Variants in OVOL3 observed in about 807,000 individuals in gnomAD.
The protein encoded by OVOL3 is ovo like zinc finger 3.
Under a neutral mutation model 13.6 loss-of-function variants are expected in OVOL3, and 15 were observed. That is an observed-to-expected ratio of 1.11 (90% CI 0.74 to 1.70). The LOEUF (loss-of-function observed/expected upper bound fraction) is 1.70. Among genes scored for constraint, OVOL3 ranks in the 40% most tolerant of loss-of-function variants. OVOL3 has a pLI of 0.00. For synonymous variants in OVOL3, 102 were observed against 108.5 expected, an observed-to-expected ratio of 0.94 and a Z score of 0.37; for missense variants, 290 against 280.6, an observed-to-expected ratio of 1.03 and a Z score of -0.24.
At chr19:36,113,065 T>C in intron 3 of OVOL3, 101 bp downstream of exon 3, 2 of 1,262,244 alleles carry the variant, frequency 1.6e-6, no homozygotes, top group East Asian at 2.5e-5. Context: ...GGTTTGTGTA[T>C]GTGGGGTATG....
Position 36,112,830 on chromosome 19 carries a change from A to G in OVOL3, c.230A>G (p.Lys77Arg). Residue 77 changes from lysine (K) to arginine (R), a missense_variant, in exon 3 of 4, where the codon AAG (lysine) becomes AGG (arginine). Coordinates refer to ENST00000633214, the MANE Select transcript of OVOL3 (RefSeq NM_001302757.2). ...PGTLGCPLCP[K>R]AFPLQRMLTR... ...ACGCTGGGCTGCCCGCTCTGCCCTA[A>G]GGCCTTCCCTCTGCAGCGCATGCTG... 6.5e-7 allele frequency: 1 copy of G among 1,535,898 alleles called. No homozygotes were observed. Among genetic ancestry groups the G allele is most frequent in the South Asian group, 1.2e-5 (1 of 84,056 alleles).
At chr19:36,112,690 C>T in intron 2 of OVOL3, 70 bp from the exon 3 acceptor site, 1 of 1,359,160 alleles carries the variant, frequency 7.4e-7, no homozygotes, top group Non-Finnish European at 1.0e-6. Context: ...TCTGTAAATA[C>T]TCATTTGCAG....
chr19:36,112,350 T>G (rs12327787), intron 2 of OVOL3, among the ~76,000 whole-genome samples: 1 of 152,054 alleles, frequency 6.6e-6, no homozygotes, highest in Non-Finnish European at 1.5e-5. Context: ...TGAAACCCCA[T>G]CTCTACAAAA....
chr19:36,111,585 C>A, intron 2 of OVOL3, 152 bp downstream of exon 2: 1 of 796,864 alleles, frequency 1.3e-6, no homozygotes, highest in Non-Finnish European at 2.1e-6. Context: ...GTTGGGAATG[C>A]CTCTCCTTTC....
chr19:36,111,498 G>A (rs1264505234), intron 2 of OVOL3, 65 bp downstream of exon 2: 77 of 1,493,282 alleles, frequency 5.2e-5, no homozygotes, highest in Non-Finnish European at 6.5e-5. Flanking sequence ...CCTTAATGAA[G>A]CTGACAGCCC....
intron 2 of OVOL3, chr19:36,111,826 G>C (rs774347050): frequency 2.1e-6 from 1 of 473,190 alleles, no homozygotes; most frequent in Non-Finnish European, 4.2e-6. Flanking sequence ...ATGAAAGCAA[G>C]GCACTGTTCT....
chr19:36,113,049 G>C (rs182485837), intron 3 of OVOL3, 85 bp downstream of exon 3: 1 of 1,371,990 alleles, frequency 7.3e-7, no homozygotes, highest in Non-Finnish European at 9.9e-7. Flanking sequence ...GCTGTGGAGT[G>C]TCCATGGTTT....
chr19:36,112,984 G>A lies in OVOL3; in HGVS notation c.364+20G>A. ...ACACTGGTGAGCAGTGGCAGGGACA[G>A]GGAAAAGTTGCTGGGCCCCAGGTGG... is the stretch of plus-strand genomic sequence containing the variant. On this transcript the variant is annotated intron_variant, in intron 3 of 3. Coordinates refer to ENST00000633214, the MANE Select transcript of OVOL3 (RefSeq NM_001302757.2). 1.3e-6 allele frequency: 2 copies of A among 1,532,120 alleles called. No homozygotes were observed. 94.9% of individuals were successfully genotyped at this position (1,532,120 alleles called of 1,614,324 possible).
chr19:36,113,555 C>G lies in OVOL3; in HGVS notation c.467C>G (p.Ala156Gly). The change falls in exon 4 of 4, where the codon GCT becomes GGT. Residue 156 changes from alanine to glycine, a missense_variant. Coordinates refer to ENST00000633214, the MANE Select transcript of OVOL3 (RefSeq NM_001302757.2). ...AKVHGQPASY[A>G]YRERREKLHV... is the part of the protein sequence containing the mutation. ...GTGCATGGACAGCCGGCCAGCTACG[C>G]TTACCGTGAGCGCCGCGAGAAGCTG... 8 of 1,536,736 alleles carry G rather than the reference C, an allele frequency of 5.2e-6. No individual in the cohort carries two copies. The highest frequency in any genetic ancestry group is 1.7e-4 in the Middle Eastern group (1 of 5,990).
Position 36,112,846 on chromosome 19 carries a change from G to A in OVOL3, c.246G>A (p.Gln82=), listed in dbSNP as rs1973856503. 6.5e-7 allele frequency: 1 copy of A among 1,535,954 alleles called. No individual in the cohort carries two copies. The highest frequency in any genetic ancestry group is 2.0e-5 in the Admixed American group (1 of 50,986). ...CPLCPKAFPL[Q]RMLTRHLKCH... ...TCTGCCCTAAGGCCTTCCCTCTGCA[G>A]CGCATGCTGACAAGGCACCTCAAGT... Residue 82 remains glutamine (Q), a synonymous_variant, in exon 3 of 4, where the codon CAG becomes CAA. Coordinates refer to ENST00000633214, the MANE Select transcript of OVOL3 (RefSeq NM_001302757.2).
rs1421930199 is a variant in OVOL3 at position 36,113,567 on chromosome 19, G to A, written c.479G>A (p.Arg160His). The stretch of plus-strand genomic sequence containing the variant: ...CCGGCCAGCTACGCTTACCGTGAGC[G>A]CCGCGAGAAGCTGCACGTGTGCGAG... Reference protein sequence around the residue: ...GQPASYAYRERREKLHVCEDC... With the variant: ...GQPASYAYREHREKLHVCEDC... The change falls in exon 4 of 4, where the codon CGC (arginine) becomes CAC (histidine). Residue 160 changes from arginine to histidine, a missense_variant. By Grantham distance (29) the Arg-to-His change is conservative (BLOSUM62 0). Coordinates refer to ENST00000633214, the MANE Select transcript of OVOL3 (RefSeq NM_001302757.2). The A allele has an allele frequency of 3.9e-6, 6 of 1,537,190 alleles. No individual in the cohort carries two copies. The highest frequency in any genetic ancestry group is 4.4e-6 in the Non-Finnish European group (5 of 1,146,880).
At chr19:36,112,168 T>C (rs1026958722) in intron 2 of OVOL3, among the ~76,000 whole-genome samples, 3 of 151,958 alleles carry the variant, frequency 2.0e-5, no homozygotes, top group Admixed American at 6.6e-5. Context: ...TCTGCGCCAC[T>C]GCACTCCAGC....
At position 36,111,230 on chromosome 19, in the gene OVOL3, C is replaced by T. The variant is rs769426631; in HGVS notation, c.28C>T (p.Arg10Trp). 1.9e-5 allele frequency: 29 copies of T among 1,535,630 alleles called. No homozygotes were observed. The highest frequency in any genetic ancestry group is 1.1e-4 in the South Asian group (9 of 84,036). The change falls in exon 1 of 4, where the codon CGG becomes TGG. Residue 10 changes from arginine to tryptophan, a missense_variant. Transcript: ENST00000633214. ...GCCCCGCGCCTTCCTGGTCAGGAGT[C>T]GGCGTCCACAGCCCCCCAACTGGGG... is the stretch of plus-strand genomic sequence containing the variant. The part of the protein sequence containing the change: MPRAFLVRS[R>W]RPQPPNWGHL...
In OVOL3 at chr19:36,111,401, C is replaced by T. The variant is rs1973813072; in HGVS notation, c.127C>T (p.Gln43Ter). The change falls in exon 2 of 4, where the codon CAG (glutamine) becomes TAG (stop). Residue 43 changes from glutamine to a stop codon, truncating the protein, a stop_gained. Coordinates refer to ENST00000633214, the MANE Select transcript of OVOL3 (RefSeq NM_001302757.2). LOFTEE classifies it high-confidence loss of function. ...CAGCCTGGGGGGGCCACCGGCACAA[C>T]AGTCGTCCAGTGTCAGGGATCCGTG... is the stretch of plus-strand genomic sequence containing the variant. ...CSSLGGPPAQ[Q>*]SSSVRDPWTA... is the part of the protein sequence containing the mutation. 3.9e-6 allele frequency: 6 copies of T among 1,536,044 alleles called. No homozygotes were observed. Among genetic ancestry groups the T allele is most frequent in the African/African-American group, 1.4e-5 (1 of 73,162 alleles).
At position 36,113,684 on chromosome 19, in the gene OVOL3, C is replaced by T. The variant is rs1181760589; in HGVS notation, c.*23C>T. ...TGATACGGTGTGCCAGCGTCCTCCC[C>T]ACGAGGCAAATAAACACAGAAAACT... is the stretch of plus-strand genomic sequence containing the variant. On this transcript the variant is annotated 3_prime_UTR_variant, in exon 4 of 4. Coordinates refer to ENST00000633214, the MANE Select transcript of OVOL3 (RefSeq NM_001302757.2). The T allele has an allele frequency of 6.4e-7, 1 of 1,556,346 alleles. No individual in the cohort carries two copies. The highest frequency in any genetic ancestry group is 8.7e-7 in the Non-Finnish European group (1 of 1,149,382).
rs186078536 is a variant in OVOL3 at position 36,113,620 on chromosome 19, G to C, written c.532G>C (p.Asp178His). 4.5e-5 allele frequency: 70 copies of C among 1,544,518 alleles called. No homozygotes were observed. Among genetic ancestry groups the C allele is most frequent in the Non-Finnish European group, 6.0e-5 (69 of 1,146,922 alleles). Reference sequence around the variant, plus strand: ...CTGCGGCTTCACCAGCTCCCGGCCCGACACCTACGCACAGCACCGCGCCCT... The same window carrying C: ...CTGCGGCTTCACCAGCTCCCGGCCCCACACCTACGCACAGCACCGCGCCCT... ...EDCGFTSSRPDTYAQHRALHR... is the reference protein window; with the variant it reads ...EDCGFTSSRPHTYAQHRALHR... Residue 178 changes from aspartate (D) to histidine (H), a missense_variant, in exon 4 of 4, where the codon GAC (aspartate) becomes CAC (histidine). Physicochemically the swap from Asp to His is moderately conservative, Grantham distance 81. Coordinates refer to ENST00000633214, the MANE Select transcript of OVOL3 (RefSeq NM_001302757.2).
chr19:36,112,411 T>TG (rs1024064524), intron 2 of OVOL3, among the ~76,000 whole-genome samples: 12 of 151,704 alleles, frequency 7.9e-5, no homozygotes, highest in Admixed American at 2.6e-4. Context: ...CGTGTAATCG[T>TG]GGGGAGGCTG....
At chr19:36,111,503 C>G in intron 2 of OVOL3, 70 bp downstream of exon 2, 1 of 1,462,806 alleles carries the variant, frequency 6.8e-7, no homozygotes, top group Non-Finnish European at 9.3e-7. Context: ...ATGAAGCTGA[C>G]AGCCCCTTGC....
At chr19:36,112,718 G>A in intron 2 of OVOL3, 42 bp from the exon 3 acceptor site, 1 of 1,481,186 alleles carries the variant, frequency 6.8e-7, no homozygotes, top group Non-Finnish European at 9.1e-7. Flanking sequence ...AAGGGTGGAT[G>A]GGGTCCAGCC....
Sources: gnomAD v4.1 joint callset for allele counts (sites outside exome capture counted in the v4.1 genomes callset) on GRCh38, gnomAD v4.1.1 for gene constraint, MANE v1.5 for transcripts, NCBI Gene and HGNC (gene_info 2026-07-23, HGNC 2026-07-21) for gene names.